Variants in TSHR observed in about 807,000 individuals in gnomAD.
TSHR encodes the protein thyroid stimulating hormone receptor, also known as thyrotropin receptor.
A neutral mutation model predicts 64.1 loss-of-function variants in TSHR; 51 were observed. The ratio of observed to expected loss-of-function variants is 0.80; its 90% confidence interval spans 0.64 to 1.01. TSHR has a LOEUF of 1.01. TSHR is among the 50% of genes least tolerant of loss of function. The pLI, the probability that TSHR is intolerant of heterozygous loss-of-function variation, is 0.00. For synonymous variants in TSHR, 361 were observed against 361.9 expected (o/e 1.00, Z 0.03); for missense variants, 877 against 942.8 (o/e 0.93, Z 0.91).
At chr14:81,035,454 TTGTACAGA>T (rs1594980426) in intron 1 of TSHR, among the ~76,000 whole-genome samples, 2 of 152,264 alleles carry the variant, frequency 1.3e-5, no homozygotes, top group East Asian at 3.9e-4. Flanking sequence ...AGCAACAACT[TTGTACAGA>T]GAACGAGCTG....
At chr14:81,133,043 C>T (rs150349017) in intron 8 of TSHR, among the ~76,000 whole-genome samples, 31 of 152,194 alleles carry the variant, frequency 2.0e-4, no homozygotes, top group Middle Eastern at 3.4e-3. Flanking sequence ...ATTTATTCTC[C>T]GACAACTCCA....
rs375507134 is a variant in TSHR at position 81,095,972 on chromosome 14, C to T, written c.546-667C>T. 4.4e-3 allele frequency among the ~76,000 whole-genome samples: 651 copies of T among 149,004 alleles called. 11 individuals carry two copies. The highest frequency in any genetic ancestry group is 0.015 in the African/African-American group (603 of 40,236). On this transcript the variant is annotated intron_variant, in intron 6 of 9. Coordinates refer to ENST00000298171, the MANE Select transcript of TSHR (RefSeq NM_000369.5). ...GGAGGATCGCTTAAGCCCAGGGACT[C>T]AAGGCTGCAGTGAGCCGTGATTGAG...
chr14:81,108,535 A>AT, intron 8 of TSHR, 83 bp downstream of exon 8: 1 of 1,607,600 alleles, frequency 6.2e-7, no homozygotes, highest in Non-Finnish European at 8.5e-7. Flanking sequence ...TAAGGGGAGA[A>AT]TCTTATGTTC....
chr14:80,991,625 G>A (rs1377906236), intron 1 of TSHR: 1 of 398,398 alleles, frequency 2.5e-6, no homozygotes. Context: ...CCAGTCAAGA[G>A]GAAAGAAAGA....
chr14:81,105,776 A>AG (rs1462635761), intron 7 of TSHR, among the ~76,000 whole-genome samples: 1 of 152,256 alleles, frequency 6.6e-6, no homozygotes, highest in Non-Finnish European at 1.5e-5. Context: ...AGAGATGAAG[A>AG]GGAAAAACTG....
intron 8 of TSHR, among the ~76,000 whole-genome samples, chr14:81,131,503 G>A: frequency 6.6e-6 from 1 of 152,156 alleles, no homozygotes; most frequent in East Asian, 1.9e-4. Flanking sequence ...CACATGATCT[G>A]GCTCCCAATA....
At chr14:81,001,380 T>C in intron 1 of TSHR, 1 of 367,724 alleles carries the variant, frequency 2.7e-6, no homozygotes, top group Non-Finnish European at 5.3e-6. Flanking sequence ...GCAGGGAGAG[T>C]ACATGCATGG....
At chr14:81,068,649 C>T (rs1022019098) in intron 3 of TSHR, among the ~76,000 whole-genome samples, 1 of 152,122 alleles carries the variant, frequency 6.6e-6, no homozygotes, top group Admixed American at 6.6e-5. Flanking sequence ...CTACTTGATT[C>T]TATGGTCTGT....
At chr14:81,023,766 G>T (rs932289893) in intron 1 of TSHR, among the ~76,000 whole-genome samples, 2 of 152,098 alleles carry the variant, frequency 1.3e-5, no homozygotes, top group African/African-American at 4.8e-5. Context: ...GGGGTTAGCT[G>T]CTTTATAGAT....
intron 1 of TSHR, chr14:81,001,422 T>C (rs988018376): frequency 6.6e-6 from 3 of 455,260 alleles, no homozygotes; most frequent in South Asian, 5.0e-5. Flanking sequence ...ATAAGGCCAG[T>C]AGCAAATCTT....
At chr14:81,025,039 C>A (rs763394429) in intron 1 of TSHR, among the ~76,000 whole-genome samples, 4 of 152,168 alleles carry the variant, frequency 2.6e-5, no homozygotes, top group African/African-American at 7.2e-5. Context: ...AGCACAAAAG[C>A]AACAGGAGCT....
At position 81,011,471 on chromosome 14, in the gene TSHR, TTTAAG is replaced by T. The variant is rs1409380059; in HGVS notation, c.171-50673_171-50669del. 3.9e-5 allele frequency among the ~76,000 whole-genome samples: 6 copies of T among 152,268 alleles called. No homozygotes were observed. The East Asian group carries it at 5.8e-4, about 15-fold the overall frequency. On this transcript the variant is annotated intron_variant, in intron 1 of 9. Transcript: ENST00000298171. ...AAGATAAAGCTATTCACAGTATTCTTTTAAGTTATTTTTTCAAATTTGTACAGTAT... is the reference window on the plus strand; with the variant it reads ...AAGATAAAGCTATTCACAGTATTCTTTTATTTTTTCAAATTTGTACAGTAT...
At chr14:81,135,772 G>C (rs939254551) in intron 8 of TSHR, among the ~76,000 whole-genome samples, 14 of 152,196 alleles carry the variant, frequency 9.2e-5, no homozygotes, top group African/African-American at 2.9e-4. Flanking sequence ...TGAGTGGAGA[G>C]GCAGTGCTAG....
intron 1 of TSHR, among the ~76,000 whole-genome samples, chr14:80,976,356 G>A (rs138212208): frequency 5.3e-5 from 8 of 152,202 alleles, no homozygotes; most frequent in African/African-American, 1.7e-4. Flanking sequence ...AACTTAGGGA[G>A]TAGTCTGACC....
At chr14:81,138,416 C>T (rs1891542938) in intron 8 of TSHR, among the ~76,000 whole-genome samples, 1 of 152,026 alleles carries the variant, frequency 6.6e-6, no homozygotes, top group South Asian at 2.1e-4. Context: ...GTCTTGAACT[C>T]CTGACCTCGT....
intron 2 of TSHR, among the ~76,000 whole-genome samples, chr14:81,067,041 T>C (rs563226004): frequency 6.6e-6 from 1 of 152,340 alleles, no homozygotes; most frequent in East Asian, 1.9e-4. Flanking sequence ...GAAGCTTTTA[T>C]TTGAATTACT....
chr14:81,097,799 G>A (rs1889308801), intron 7 of TSHR, among the ~76,000 whole-genome samples: 1 of 152,186 alleles, frequency 6.6e-6, no homozygotes, highest in South Asian at 2.1e-4. Flanking sequence ...TTGAAGTGAA[G>A]TCTCACTCTT....
intron 1 of TSHR, among the ~76,000 whole-genome samples, chr14:80,963,211 G>T (rs975293539): frequency 6.6e-6 from 1 of 152,046 alleles, no homozygotes; most frequent in African/African-American, 2.4e-5. Flanking sequence ...AATACTATGG[G>T]TCTGATTTAG....
chr14:80,984,594 T>C (rs1888342786), intron 1 of TSHR, among the ~76,000 whole-genome samples: 2 of 152,186 alleles, frequency 1.3e-5, no homozygotes, highest in South Asian at 2.1e-4. Flanking sequence ...TCCTTTACAG[T>C]TCCCCTGAAG....
Sources: gnomAD v4.1 joint callset for allele counts (sites outside exome capture counted in the v4.1 genomes callset) on GRCh38, gnomAD v4.1.1 for gene constraint, MANE v1.5 for transcripts, NCBI Gene and HGNC (gene_info 2026-07-23, HGNC 2026-07-21) for gene names.